CDH18: variants seen among roughly 807,000 people sequenced by gnomAD.
The protein encoded by CDH18 is cadherin 18.
A neutral mutation model predicts 67.9 loss-of-function variants in CDH18; 31 were observed. That is an observed-to-expected ratio of 0.46 (90% CI 0.34 to 0.62). The LOEUF is 0.62. Ranked by LOEUF, CDH18 falls within the 20% of genes least tolerant of loss-of-function variation. CDH18 has a pLI of 0.01. For missense variants in CDH18, 890 were observed against 975.5 expected, an observed-to-expected ratio of 0.91 and a Z score of 1.17; for synonymous variants, 362 against 347.2, an observed-to-expected ratio of 1.04 and a Z score of -0.48.
intron 2 of CDH18, among the ~76,000 whole-genome samples, chr5:19,870,191 A>G (rs1786092159): frequency 1.3e-5 from 2 of 152,114 alleles, no homozygotes; most frequent in Non-Finnish European, 2.9e-5. Context: ...CCTTACTTTG[A>G]GTCAGTTGCA....
At chr5:20,233,042 A>C (rs1002998064) in intron 2 of CDH18, among the ~76,000 whole-genome samples, 35 of 151,992 alleles carry the variant, frequency 2.3e-4, no homozygotes, top group African/African-American at 7.0e-4. Context: ...AAAATCCTGA[A>C]GTTAATATAT....
intron 5 of CDH18, among the ~76,000 whole-genome samples, chr5:19,681,830 C>G (rs956756496): frequency 1.3e-5 from 2 of 151,878 alleles, no homozygotes; most frequent in African/African-American, 4.8e-5. Flanking sequence ...TAAAAAAAAT[C>G]TCTGTGGTCA....
intron 2 of CDH18, among the ~76,000 whole-genome samples, chr5:20,172,316 A>G (rs1736900633): frequency 6.8e-6 from 1 of 147,024 alleles, no homozygotes; most frequent in East Asian, 2.0e-4. Flanking sequence ...AATCTACATT[A>G]CCAGTACATA....
At chr5:20,348,856 A>G (rs1440791621) in intron 1 of CDH18, among the ~76,000 whole-genome samples, 1 of 152,124 alleles carries the variant, frequency 6.6e-6, no homozygotes, top group African/African-American at 2.4e-5. Context: ...TTCTCAAAAA[A>G]CTAAACAAAA....
chr5:20,205,175 T>C (rs1341848245), intron 2 of CDH18, among the ~76,000 whole-genome samples: 1 of 151,828 alleles, frequency 6.6e-6, no homozygotes, highest in Non-Finnish European at 1.5e-5. Flanking sequence ...ATACTGAAGG[T>C]AAGAGTGTTA....
At chr5:20,412,823 T>A (rs1746909478) in intron 1 of CDH18, among the ~76,000 whole-genome samples, 1 of 152,176 alleles carries the variant, frequency 6.6e-6, no homozygotes, top group South Asian at 2.1e-4. Flanking sequence ...ATTCTTTTTT[T>A]AAAATTATAC....
chr5:20,524,931 G>A (rs1019735760), intron 1 of CDH18, among the ~76,000 whole-genome samples: 1 of 152,154 alleles, frequency 6.6e-6, no homozygotes, highest in Non-Finnish European at 1.5e-5. Context: ...ATAGCAACAA[G>A]GTTAGAACCC....
intron 2 of CDH18, among the ~76,000 whole-genome samples, chr5:20,126,892 T>C (rs997326953): frequency 6.6e-6 from 1 of 152,224 alleles, no homozygotes; most frequent in South Asian, 2.1e-4. Flanking sequence ...GAAAACAATA[T>C]GGAATTTTCT....
chr5:20,533,559 A>C (rs1457118398), intron 1 of CDH18, among the ~76,000 whole-genome samples: 1 of 152,088 alleles, frequency 6.6e-6, no homozygotes, highest in Non-Finnish European at 1.5e-5. Context: ...AAGTGAATAG[A>C]AGGAATAAAG....
intron 1 of CDH18, among the ~76,000 whole-genome samples, chr5:20,562,912 G>C (rs1581205194): frequency 6.6e-6 from 1 of 151,496 alleles, no homozygotes; most frequent in Non-Finnish European, 1.5e-5. Context: ...AGTTAATGCT[G>C]GTGTATTTCT....
Position 19,508,703 on chromosome 5 carries a change from T to C in CDH18, c.1513-5594A>G, listed in dbSNP as rs530730253. On this transcript the variant is annotated intron_variant, in intron 10 of 12. Transcript: ENST00000382275. Reference sequence around the variant, plus strand: ...AATTGAGACAGACTGTTACTGTTAATTAGAGTTACTGTTACTGTTACTGTT... The same window carrying C: ...AATTGAGACAGACTGTTACTGTTAACTAGAGTTACTGTTACTGTTACTGTT... Among the ~76,000 whole-genome samples the C allele has an allele frequency of 2.6e-5, 4 of 152,222 alleles. No homozygotes were observed. The South Asian group carries it at 8.3e-4, about 32-fold the overall frequency.
At chr5:19,952,776 C>G (rs1229189444) in intron 2 of CDH18, among the ~76,000 whole-genome samples, 1 of 151,910 alleles carries the variant, frequency 6.6e-6, no homozygotes, top group Non-Finnish European at 1.5e-5. Context: ...CCTCATATAA[C>G]ATATTCAATG....
intron 11 of CDH18, among the ~76,000 whole-genome samples, chr5:19,493,443 C>T (rs1015377515): frequency 3.6e-4 from 55 of 151,920 alleles, no homozygotes; most frequent in African/African-American, 1.2e-3. Context: ...TTCCAAGGAA[C>T]ATAAGGAAGG....
chr5:19,530,303 A>G (rs347697), intron 9 of CDH18, among the ~76,000 whole-genome samples: 77,594 of 151,884 alleles, frequency 0.51, 20,883 homozygotes, highest in African/African-American at 0.69. Flanking sequence ...ATATAAATAT[A>G]AAACCTCAAA....
At chr5:19,535,719 C>A (rs1426015606) in intron 9 of CDH18, among the ~76,000 whole-genome samples, 1 of 152,010 alleles carries the variant, frequency 6.6e-6, no homozygotes, top group African/African-American at 2.4e-5. Context: ...ACTCTTATGT[C>A]CACAAGTGAA....
intron 2 of CDH18, among the ~76,000 whole-genome samples, chr5:20,108,925 C>G (rs1747219730): frequency 6.6e-6 from 1 of 152,116 alleles, no homozygotes; most frequent in Non-Finnish European, 1.5e-5. Flanking sequence ...TAATAATTTC[C>G]TCACATGTAT....
intron 11 of CDH18, among the ~76,000 whole-genome samples, chr5:19,494,833 T>C (rs1384814238): frequency 6.6e-6 from 1 of 152,188 alleles, no homozygotes; most frequent in East Asian, 1.9e-4. Flanking sequence ...TTGGGATCCA[T>C]CCATAGGTCA....
chr5:19,858,475 G>C (rs941438275), intron 2 of CDH18, among the ~76,000 whole-genome samples: 1 of 152,110 alleles, frequency 6.6e-6, no homozygotes, highest in African/African-American at 2.4e-5. Context: ...GCTTGATAGC[G>C]CCAATATAAT....
rs1737652630 is a variant in CDH18, at chr5:19,471,535, C to A, written c.*1691G>T. Among the ~76,000 whole-genome samples the A allele has an allele frequency of 1.3e-5, 2 of 151,994 alleles. No individual in the cohort carries two copies. The highest frequency in any genetic ancestry group is 4.8e-5 in the African/African-American group (2 of 41,392). ...AAGAGCAAAGGAAAAACTCCGGTGT[C>A]AACTAATTCCTATTTCATGTATTTA... On this transcript the variant is annotated 3_prime_UTR_variant, in exon 13 of 13. Coordinates refer to ENST00000382275, the MANE Select transcript of CDH18 (RefSeq NM_004934.5).
Sources: gnomAD v4.1 joint callset for allele counts (sites outside exome capture counted in the v4.1 genomes callset) on GRCh38, gnomAD v4.1.1 for gene constraint, MANE v1.5 for transcripts, NCBI Gene and HGNC (gene_info 2026-07-23, HGNC 2026-07-21) for gene names.